The following GPHN variants were observed in gnomAD, a reference collection of about 807,000 sequenced individuals.
GPHN encodes the protein gephyrin.
A neutral mutation model predicts 95.5 loss-of-function variants in GPHN; 17 were observed. The observed-to-expected ratio is 0.18, with a 90% CI of 0.12 to 0.27. GPHN has a LOEUF of 0.27. Among genes scored for constraint, GPHN ranks in the 10% least tolerant of loss-of-function variants. The probability of loss-of-function intolerance (pLI) is 1.00; values close to 1 mark genes in which losing one functional copy is unlikely to be tolerated. For synonymous variants in GPHN, 320 were observed against 322.5 expected (o/e 0.99, Z 0.08); for missense variants, 660 against 978.1 (o/e 0.67, Z 4.34).
intron 5 of GPHN, among the ~76,000 whole-genome samples, chr14:66,883,630 T>C (rs930796731): frequency 6.6e-6 from 1 of 152,084 alleles, no homozygotes; most frequent in African/African-American, 2.4e-5. Context: ...ATTTAACTCC[T>C]GTTAAAATCC....
At chr14:66,954,193 G>T (rs2068325620) in intron 8 of GPHN, among the ~76,000 whole-genome samples, 1 of 152,220 alleles carries the variant, frequency 6.6e-6, no homozygotes. Context: ...GGATTTGACA[G>T]TGATTGCATT....
chr14:66,720,823 C>T (rs1212453525), intron 2 of GPHN, among the ~76,000 whole-genome samples: 1 of 152,110 alleles, frequency 6.6e-6, no homozygotes, highest in African/African-American at 2.4e-5. Context: ...TATGATCACA[C>T]CGCTGCACTC....
chr14:66,593,624 A>T (rs962304347), intron 1 of GPHN, among the ~76,000 whole-genome samples: 2 of 152,194 alleles, frequency 1.3e-5, no homozygotes, highest in East Asian at 3.8e-4. Flanking sequence ...ACAATTTGAG[A>T]TGAGATTTGG....
the GPHN span, chr14:67,562,872 C>T: frequency 5.0e-6 from 8 of 1,612,754 alleles, no homozygotes; most frequent in East Asian, 2.2e-5. Flanking sequence ...CCTACACCCC[C>T]GCTGCACCAG....
chr14:67,667,814 G>A, the GPHN span, among the ~76,000 whole-genome samples: 1 of 152,062 alleles, frequency 6.6e-6, no homozygotes, highest in Non-Finnish European at 1.5e-5. Flanking sequence ...CGTGGTGGTG[G>A]GCGCCTGTAG....
chr14:66,960,515 G>C (rs1407759489), intron 8 of GPHN, among the ~76,000 whole-genome samples: 2 of 151,826 alleles, frequency 1.3e-5, no homozygotes, highest in Admixed American at 6.6e-5. Context: ...CATAACCTCT[G>C]ATGTTTCTGT....
chr14:67,683,137 T>C, the GPHN span, among the ~76,000 whole-genome samples: 141 of 152,274 alleles, frequency 9.3e-4, 5 homozygotes, highest in East Asian at 0.027. Flanking sequence ...TTCTTGATGG[T>C]GGTCTACACG....
At chr14:66,580,243 C>T (rs2061099569) in intron 1 of GPHN, among the ~76,000 whole-genome samples, 1 of 151,716 alleles carries the variant, frequency 6.6e-6, no homozygotes, top group African/African-American at 2.4e-5. Context: ...TTTATAGCAA[C>T]AGATGCCTAC....
chr14:67,286,222 C>T, the GPHN span, among the ~76,000 whole-genome samples: 1 of 152,192 alleles, frequency 6.6e-6, no homozygotes, highest in Non-Finnish European at 1.5e-5. Context: ...TTTGTCCACT[C>T]CCAACCTAGC....
the GPHN span, among the ~76,000 whole-genome samples, chr14:67,505,056 A>G: frequency 2.0e-5 from 3 of 152,270 alleles, no homozygotes; most frequent in Admixed American, 1.3e-4. Flanking sequence ...AATTGACTCA[A>G]ATGAGTAGCT....
intron 2 of GPHN, among the ~76,000 whole-genome samples, chr14:66,690,549 G>T (rs1251458465): frequency 6.6e-6 from 1 of 152,142 alleles, no homozygotes; most frequent in Non-Finnish European, 1.5e-5. Flanking sequence ...GGTTCATTTG[G>T]TCTGAAGAAC....
At chr14:66,707,029 A>G (rs966980554) in intron 2 of GPHN, among the ~76,000 whole-genome samples, 8 of 150,434 alleles carry the variant, frequency 5.3e-5, no homozygotes, top group Admixed American at 5.3e-4. Context: ...AAAAGAAGAC[A>G]TACATGCAGC....
chr14:67,547,472 C>A, the GPHN span, among the ~76,000 whole-genome samples: 3 of 152,168 alleles, frequency 2.0e-5, no homozygotes, highest in Non-Finnish European at 4.4e-5. Context: ...TAGGAGAGCT[C>A]CTGCTGGGGC....
chr14:66,592,513 G>A (rs8021582), intron 1 of GPHN, among the ~76,000 whole-genome samples: 50,194 of 150,144 alleles, frequency 0.33, 12,310 homozygotes, highest in African/African-American at 0.67. Context: ...ATATTTCCCA[G>A]AAGAAGACAT....
chr14:66,741,459 G>GC (rs2072785841), intron 2 of GPHN, among the ~76,000 whole-genome samples: 1 of 152,076 alleles, frequency 6.6e-6, no homozygotes. Context: ...ATTTATTCAG[G>GC]AGTATAAGGC....
chr14:67,582,815 C>T, the GPHN span, among the ~76,000 whole-genome samples: 542 of 152,092 alleles, frequency 3.6e-3, 2 homozygotes, highest in Non-Finnish European at 5.8e-3. The surrounding 1 kb of genome is among the most constrained non-coding windows in gnomAD (Gnocchi z 5.0). Context: ...ACAGCCTAGG[C>T]GACAACAGCA....
the GPHN span, among the ~76,000 whole-genome samples, chr14:67,455,467 A>G: frequency 0.014 from 2,156 of 152,140 alleles, 56 homozygotes; most frequent in African/African-American, 0.05. Context: ...CAAATCCCCC[A>G]CTGCAGATGC....
At chr14:67,380,549 A>ATTAACTATTATATGC in the GPHN span, 1 of 484,620 alleles carries the variant, frequency 2.1e-6, no homozygotes. Flanking sequence ...TATTATATGC[A>ATTAACTATTATATGC]TTAACTATTA....
intron 5 of GPHN, among the ~76,000 whole-genome samples, chr14:66,890,410 CAA>C (rs781415190): frequency 0.18 from 14,805 of 80,078 alleles, 1,048 homozygotes; most frequent in East Asian, 0.42. Context: ...GACCCTGTCT[CAA>C]AAAAAAAAAA....
Sources: allele counts gnomAD v4.1 joint callset (sites outside exome capture counted in the v4.1 genomes callset), GRCh38; gene constraint gnomAD v4.1.1; non-coding constraint Gnocchi (gnomAD v3.1); transcripts MANE v1.5; gene names NCBI Gene and HGNC (gene_info 2026-07-23, HGNC 2026-07-21).